The following ERP44 variants were observed in gnomAD, a reference collection of about 807,000 sequenced individuals.
ERP44 encodes endoplasmic reticulum protein 44, also known as endoplasmic reticulum resident protein 44.
ERP44 carries 25 observed loss-of-function variants against 53.4 expected under a neutral mutation model. The ratio of observed to expected loss-of-function variants is 0.47; its 90% confidence interval spans 0.34 to 0.65. The LOEUF (loss-of-function observed/expected upper bound fraction) is 0.65. Among genes scored for constraint, ERP44 ranks in the 30% least tolerant of loss-of-function variants. ERP44 has a pLI of 0.01. For synonymous variants in ERP44, 145 were observed against 161.2 expected, an observed-to-expected ratio of 0.90 and a Z score of 0.76; for missense variants, 338 against 493.2, an observed-to-expected ratio of 0.69 and a Z score of 2.98.
At chr9:100,029,410 G>GA (rs1268895420) in intron 4 of ERP44, among the ~76,000 whole-genome samples, 2 of 151,900 alleles carry the variant, frequency 1.3e-5, no homozygotes, top group African/African-American at 2.4e-5. Flanking sequence ...AAAAGCATGT[G>GA]AAAAAAAATT....
chr9:100,007,126 TAC>T (rs1408949626), intron 9 of ERP44, among the ~76,000 whole-genome samples: 2 of 152,228 alleles, frequency 1.3e-5, no homozygotes, highest in Non-Finnish European at 1.5e-5. Flanking sequence ...CTTCCCTAAC[TAC>T]AGAGGAAAAG....
At chr9:100,063,867 C>T (rs1394459935) in intron 1 of ERP44, among the ~76,000 whole-genome samples, 2 of 152,150 alleles carry the variant, frequency 1.3e-5, no homozygotes, top group Non-Finnish European at 2.9e-5. Flanking sequence ...ATAACTCCTC[C>T]ATGCATTTAC....
intron 10 of ERP44, chr9:99,999,098 G>A (rs1294148551): frequency 3.6e-5 from 24 of 667,008 alleles, no homozygotes; most frequent in Non-Finnish European, 4.7e-5. Flanking sequence ...TTCCCACAGC[G>A]GCGGGGCGTG....
chr9:100,020,625 G>A lies in ERP44; in HGVS notation c.578C>T (p.Ser193Phe). 1 of 1,585,742 alleles carries A rather than the reference G, an allele frequency of 6.3e-7. No individual in the cohort carries two copies. The highest frequency in any genetic ancestry group is 8.7e-7 in the Non-Finnish European group (1 of 1,155,062). ...TAAATAAGATACTTACCCAAATGCA[G>A]AAAGAAAGGCACAGTCATCATGCAA... ...NILHDDCAFL[S>F]AFGDVSKPER... The change falls in exon 6 of 12, where the codon TCT (serine) becomes TTT (phenylalanine). Residue 193 changes from serine (S) to phenylalanine (F), a missense_variant. Transcript: ENST00000262455.
At position 99,980,834 on chromosome 9, in the gene ERP44, C is replaced by G. The variant is rs561538257; in HGVS notation, c.*1778G>C. On this transcript the variant is annotated 3_prime_UTR_variant, in exon 12 of 12. Coordinates refer to ENST00000262455, the MANE Select transcript of ERP44 (RefSeq NM_015051.3). ...CCCTTTTTAACAGCCACTTTATCAT[C>G]TTAGAGCATACTGAACACGTACTCC... is the stretch of plus-strand genomic sequence containing the variant. The G allele has an allele frequency of 2.2e-4, 34 of 152,376 alleles. No homozygotes were observed. Among genetic ancestry groups the G allele is most frequent in the African/African-American group, 7.5e-4 (31 of 41,594 alleles). 9.4% of individuals were successfully genotyped at this position (152,376 alleles called of 1,614,324 possible).
At chr9:100,082,056 G>T (rs976231250) in intron 1 of ERP44, among the ~76,000 whole-genome samples, 1 of 151,760 alleles carries the variant, frequency 6.6e-6, no homozygotes, top group Non-Finnish European at 1.5e-5. Flanking sequence ...TATTTGTAAT[G>T]CAACAAAAAA....
At chr9:100,085,133 C>G (rs1826466313) in intron 1 of ERP44, among the ~76,000 whole-genome samples, 2 of 152,128 alleles carry the variant, frequency 1.3e-5, no homozygotes, top group Admixed American at 6.5e-5. Context: ...CTTTTTTATT[C>G]AAGACAATAA....
intron 1 of ERP44, among the ~76,000 whole-genome samples, chr9:100,091,196 A>C (rs886639201): frequency 6.6e-6 from 1 of 152,244 alleles, no homozygotes; most frequent in African/African-American, 2.4e-5. Flanking sequence ...AAAGTTCTAC[A>C]TAATGATGAA....
intron 8 of ERP44, among the ~76,000 whole-genome samples, chr9:100,012,558 C>T (rs1443073813): frequency 6.6e-6 from 1 of 152,100 alleles, no homozygotes; most frequent in Non-Finnish European, 1.5e-5. Context: ...CTCATACAAA[C>T]ATTCATACAT....
chr9:100,002,033 T>C (rs764073747), intron 10 of ERP44, among the ~76,000 whole-genome samples: 8 of 151,918 alleles, frequency 5.3e-5, no homozygotes, highest in Non-Finnish European at 1.0e-4. Context: ...AATATAATTA[T>C]AATAGGGTTT....
chr9:99,998,497 C>A, intron 10 of ERP44: 1 of 713,646 alleles, frequency 1.4e-6, no homozygotes. Context: ...CGGCCTCCCT[C>A]GGAGCCCCGC....
chr9:100,022,285 C>A, intron 4 of ERP44, 59 bp from the exon 5 acceptor site: 2 of 1,377,852 alleles, frequency 1.5e-6, no homozygotes, highest in Non-Finnish European at 9.7e-7. Context: ...GCCTGTTTGC[C>A]TAATGGTCAA....
intron 10 of ERP44, chr9:99,999,107 T>C: frequency 3.1e-6 from 2 of 645,908 alleles, no homozygotes; most frequent in South Asian, 1.7e-5. Flanking sequence ...CGGCGGGGCG[T>C]GGACACGGCG....
chr9:100,058,441 C>T (rs1383534172), intron 2 of ERP44, among the ~76,000 whole-genome samples: 3 of 152,150 alleles, frequency 2.0e-5, no homozygotes. Flanking sequence ...GGCAAGTAAG[C>T]TACGATCATA....
At chr9:100,053,224 C>T (rs1023003487) in intron 3 of ERP44, among the ~76,000 whole-genome samples, 15 of 152,082 alleles carry the variant, frequency 9.9e-5, no homozygotes, top group African/African-American at 3.6e-4. Flanking sequence ...ATAAAATGGG[C>T]TTTTATATCT....
At chr9:99,998,684 CCTTA>C (rs1318628707) in intron 10 of ERP44, 1 of 741,492 alleles carries the variant, frequency 1.3e-6, no homozygotes, top group African/African-American at 1.8e-5. Flanking sequence ...TGACCTTAAT[CCTTA>C]CTTCTCTGCA....
intron 4 of ERP44, among the ~76,000 whole-genome samples, chr9:100,030,674 T>C (rs895865049): frequency 6.6e-6 from 1 of 152,204 alleles, no homozygotes; most frequent in African/African-American, 2.4e-5. Context: ...CGCTGACAGC[T>C]GTGGGTGACA....
rs1395383326 is a variant in ERP44 at position 99,981,976 on chromosome 9, A to G, written c.*636T>C. The G allele has an allele frequency of 6.6e-6, 1 of 152,300 alleles. No individual in the cohort carries two copies. Among genetic ancestry groups the G allele is most frequent in the Non-Finnish European group, 1.5e-5 (1 of 67,984 alleles). 9.4% of individuals were successfully genotyped at this position (152,300 alleles called of 1,614,324 possible). On this transcript the variant is annotated 3_prime_UTR_variant, in exon 12 of 12. Transcript: ENST00000262455. Reference sequence around the variant, plus strand: ...ACACAGAAGCTTAATAATACTTTTCATTTTCTTTTTCTTGTTTCATAAGGA... The same window carrying G: ...ACACAGAAGCTTAATAATACTTTTCGTTTTCTTTTTCTTGTTTCATAAGGA...
At chr9:100,002,054 T>G (rs1245580942) in intron 10 of ERP44, among the ~76,000 whole-genome samples, 1 of 151,970 alleles carries the variant, frequency 6.6e-6, no homozygotes, top group Non-Finnish European at 1.5e-5. Flanking sequence ...TTAAAATTTT[T>G]ATTTTATTTT....
Sources: gnomAD v4.1 joint callset for allele counts (sites outside exome capture counted in the v4.1 genomes callset) on GRCh38, gnomAD v4.1.1 for gene constraint, MANE v1.5 for transcripts, NCBI Gene and HGNC (gene_info 2026-07-23, HGNC 2026-07-21) for gene names.